The following ELMOD1 variants were observed in gnomAD, a reference collection of about 807,000 sequenced individuals.
ELMOD1 encodes ELMO domain-containing protein 1.
A neutral mutation model predicts 46.7 loss-of-function variants in ELMOD1; 21 were observed. The ratio of observed to expected loss-of-function variants is 0.45; its 90% CI spans 0.32 to 0.65. ELMOD1 has a LOEUF of 0.65. Ranked by LOEUF, ELMOD1 falls within the 30% of genes least tolerant of loss-of-function variation. The pLI is 0.04. For missense variants in ELMOD1, 348 were observed against 407.8 expected (o/e 0.85, Z 1.26); for synonymous variants, 122 against 138.2 (o/e 0.88, Z 0.82).
At chr11:107,597,445 T>C (rs1865510952) in intron 1 of ELMOD1, among the ~76,000 whole-genome samples, 1 of 152,100 alleles carries the variant, frequency 6.6e-6, no homozygotes, top group African/African-American at 2.4e-5. Context: ...AGAGCCCAGA[T>C]CTAAGAAGGT....
intron 2 of ELMOD1, among the ~76,000 whole-genome samples, chr11:107,627,364 T>C (rs1866061171): frequency 6.6e-6 from 1 of 152,252 alleles, no homozygotes; most frequent in Non-Finnish European, 1.5e-5. Context: ...GTGATTTACT[T>C]CACAGAGTGG....
chr11:107,617,289 G>A (rs1397117551), intron 1 of ELMOD1, among the ~76,000 whole-genome samples: 4 of 152,248 alleles, frequency 2.6e-5, no homozygotes, highest in East Asian at 1.9e-4. Context: ...GTCTCTGCCC[G>A]CAGCTCTTTT....
At chr11:107,626,965 G>A (rs1257212136) in intron 2 of ELMOD1, among the ~76,000 whole-genome samples, 1 of 152,122 alleles carries the variant, frequency 6.6e-6, no homozygotes, top group East Asian at 1.9e-4. Flanking sequence ...AAGGAAGCAA[G>A]TTGTATATTG....
chr11:107,633,159 C>T (rs1245935839), intron 5 of ELMOD1, among the ~76,000 whole-genome samples: 2 of 152,042 alleles, frequency 1.3e-5, no homozygotes, highest in Non-Finnish European at 2.9e-5. Flanking sequence ...ACTTCTGGTC[C>T]CAAGCATGTC....
intron 11 of ELMOD1, among the ~76,000 whole-genome samples, chr11:107,661,963 C>T (rs1866746662): frequency 6.6e-6 from 1 of 152,106 alleles, no homozygotes; most frequent in Non-Finnish European, 1.5e-5. Context: ...GCTAGTATGA[C>T]AACCAGATGA....
rs183196368 is a variant in ELMOD1, at chr11:107,596,166, T to G, written c.-86+4757T>G. Among the ~76,000 whole-genome samples the G allele has an allele frequency of 1.1e-3, 171 of 152,240 alleles. 2 individuals carry two copies. The highest frequency in any genetic ancestry group is 4.0e-3 in the African/African-American group (166 of 41,572). The stretch of plus-strand genomic sequence containing the variant: ...GGTTTTAAGAGCTCATTTCAGCTGT[T>G]ATAACTCTCCTTTCTATTTTTTATT... On this transcript the variant is annotated intron_variant, in intron 1 of 11. Transcript: ENST00000265840.
At chr11:107,630,584 A>G (rs746486414) in intron 3 of ELMOD1, 22 bp downstream of exon 3, 1 of 1,607,964 alleles carries the variant, frequency 6.2e-7, no homozygotes, top group Non-Finnish European at 8.5e-7. Flanking sequence ...ACAAAGAAGT[A>G]AGCAAAAGGT....
chr11:107,643,686 A>G, intron 6 of ELMOD1: 1 of 517,816 alleles, frequency 1.9e-6, no homozygotes, highest in South Asian at 1.5e-5. Flanking sequence ...TCATACTTCC[A>G]TATACCTGCA....
chr11:107,658,035 G>GA (rs1866664546), intron 11 of ELMOD1, among the ~76,000 whole-genome samples: 2 of 135,342 alleles, frequency 1.5e-5, no homozygotes, highest in African/African-American at 7.5e-5. Context: ...AAAAGGGTGA[G>GA]AAAATAAGTG....
intron 8 of ELMOD1, 61 bp downstream of exon 8, chr11:107,650,464 T>C: frequency 8.8e-7 from 1 of 1,142,558 alleles, no homozygotes; most frequent in Non-Finnish European, 1.3e-6. Flanking sequence ...GAACTTCATC[T>C]CCTACATGTA....
At chr11:107,627,251 G>C (rs529118447) in intron 2 of ELMOD1, among the ~76,000 whole-genome samples, 1 of 152,284 alleles carries the variant, frequency 6.6e-6, no homozygotes, top group East Asian at 1.9e-4. Context: ...GCATTATCAG[G>C]TCCTGTTGGC....
At chr11:107,596,739 T>G (rs558332701) in intron 1 of ELMOD1, among the ~76,000 whole-genome samples, 2 of 152,324 alleles carry the variant, frequency 1.3e-5, no homozygotes, top group Admixed American at 1.3e-4. Context: ...ATGGATAATG[T>G]ATATGTAGCC....
At position 107,592,509 on chromosome 11, in the gene ELMOD1, G is replaced by A. The variant is rs1363478378; in HGVS notation, c.-86+1100G>A. On this transcript the variant is annotated intron_variant, in intron 1 of 11. Transcript: ENST00000265840. ...CAATATGGTGGAAAGCAGGTAGTAT[G>A]CTTGTATTGGGATAAATGTCTTAAT... 7.7e-6 allele frequency: 4 copies of A among 516,164 alleles called. No individual in the cohort carries two copies. The Admixed American group carries it at 7.9e-5, about 10-fold the overall frequency. 32.0% of individuals were successfully genotyped at this position (516,164 alleles called of 1,614,324 possible). A position where few individuals can be genotyped will look rare whatever the true frequency, so the allele number is the denominator to read the frequency against.
intron 1 of ELMOD1, among the ~76,000 whole-genome samples, chr11:107,601,566 C>T (rs368760531): frequency 7.2e-5 from 11 of 151,748 alleles, no homozygotes; most frequent in African/African-American, 2.7e-4. Context: ...CAGGCACGTG[C>T]CACCATGCCT....
At chr11:107,621,405 A>G (rs144401205) in intron 2 of ELMOD1, among the ~76,000 whole-genome samples, 1 of 152,380 alleles carries the variant, frequency 6.6e-6, no homozygotes, top group African/African-American at 2.4e-5. Flanking sequence ...AGGGCTTACA[A>G]TTAGCAAAAA....
At chr11:107,648,528 C>G (rs570529276) in intron 7 of ELMOD1, among the ~76,000 whole-genome samples, 1 of 152,268 alleles carries the variant, frequency 6.6e-6, no homozygotes, top group South Asian at 2.1e-4. Context: ...CCACCATCAG[C>G]CTTTCTTCCT....
At chr11:107,637,052 T>A (rs1018545294) in intron 6 of ELMOD1, among the ~76,000 whole-genome samples, 2 of 152,268 alleles carry the variant, frequency 1.3e-5, no homozygotes, top group African/African-American at 4.8e-5. Context: ...CCATTGTATA[T>A]GTGCTGGCAC....
At chr11:107,630,781 A>G in intron 4 of ELMOD1, 53 bp downstream of exon 4, 1 of 1,538,470 alleles carries the variant, frequency 6.5e-7, no homozygotes, top group Non-Finnish European at 8.8e-7. Context: ...GCTTACCTTT[A>G]TCATAAGAAG....
chr11:107,645,287 C>T (rs1028214747), intron 6 of ELMOD1, among the ~76,000 whole-genome samples: 1 of 150,510 alleles, frequency 6.6e-6, no homozygotes, highest in African/African-American at 2.4e-5. Context: ...ATCACCTGGT[C>T]TCATTTAGTC....
Sources: allele counts gnomAD v4.1 joint callset (sites outside exome capture counted in the v4.1 genomes callset), GRCh38; gene constraint gnomAD v4.1.1; transcripts MANE v1.5; gene names NCBI Gene and HGNC (gene_info 2026-07-23, HGNC 2026-07-21).